The following ELFN1 variants were observed in gnomAD, a reference collection of about 807,000 sequenced individuals.
The protein encoded by ELFN1 is extracellular leucine rich repeat and fibronectin type III domain containing 1, also known as protein ELFN1.
Under a neutral mutation model 7.6 loss-of-function variants are expected in ELFN1, and 6 were observed. That is an observed-to-expected ratio of 0.79 (90% CI 0.43 to 1.56). The LOEUF (loss-of-function observed/expected upper bound fraction) is 1.56, where lower values mean the gene tolerates loss of function less well. Ranked by LOEUF, ELFN1 falls within the 40% of genes most tolerant of loss-of-function variation. The pLI, the probability that ELFN1 is intolerant of heterozygous loss-of-function variation, is 0.01. For synonymous variants in ELFN1, 657 were observed against 588.1 expected (o/e 1.12, Z -1.70); for missense variants, 1,169 against 1,232.2 (o/e 0.95, Z 0.77).
intron 1 of ELFN1, among the ~76,000 whole-genome samples, chr7:1,681,890 T>G (rs957666519): frequency 6.6e-6 from 1 of 152,226 alleles, no homozygotes; most frequent in Non-Finnish European, 1.5e-5. Context: ...GCATTCATAT[T>G]TCTTCTTTGA....
At chr7:1,677,118 G>A (rs1490616672) in intron 1 of ELFN1, among the ~76,000 whole-genome samples, 1 of 152,202 alleles carries the variant, frequency 6.6e-6, no homozygotes. Flanking sequence ...AAAATATTCT[G>A]TAAGGCAAAA....
At chr7:1,703,278 G>C (rs11762989) in intron 2 of ELFN1, among the ~76,000 whole-genome samples, 28,031 of 151,984 alleles carry the variant, frequency 0.18, 2,890 homozygotes, top group Admixed American at 0.25. Flanking sequence ...ACATAATGAA[G>C]ATAGTTATCA....
In ELFN1 at chr7:1,740,898, G is replaced by A. The variant is rs903075090; in HGVS notation, c.-293-3406G>A. 4.6e-5 allele frequency among the ~76,000 whole-genome samples: 7 copies of A among 152,182 alleles called. No homozygotes were observed. The highest frequency in any genetic ancestry group is 1.7e-4 in the African/African-American group (7 of 41,454). On this transcript the variant is annotated intron_variant, in intron 3 of 3. Transcript: ENST00000424383. This position sits in a 1 kb window ranked among gnomAD's most constrained non-coding sequence, Gnocchi z 5.0. Reference sequence around the variant, plus strand: ...TAATCCCAGCACTTTGGGAGGCCAAGGCAGGTGGATCACCTGAGGTCAGGA... The same window carrying A: ...TAATCCCAGCACTTTGGGAGGCCAAAGCAGGTGGATCACCTGAGGTCAGGA...
intron 3 of ELFN1, among the ~76,000 whole-genome samples, chr7:1,734,829 C>T (rs1008066101): frequency 6.6e-6 from 1 of 152,048 alleles, no homozygotes; most frequent in South Asian, 2.1e-4. Context: ...TCCCAAATAG[C>T]TGGGATCACA....
At chr7:1,704,553 C>G (rs760812427) in intron 2 of ELFN1, among the ~76,000 whole-genome samples, 2 of 152,294 alleles carry the variant, frequency 1.3e-5, no homozygotes, top group Middle Eastern at 6.8e-3. Flanking sequence ...TCGACTCCTC[C>G]CCACCCCAGG....
intron 3 of ELFN1, among the ~76,000 whole-genome samples, chr7:1,719,271 A>C (rs1413060337): frequency 7.0e-6 from 1 of 143,770 alleles, no homozygotes; most frequent in East Asian, 2.1e-4. Context: ...GACCCAAGCC[A>C]CCAACAGGGC....
At chr7:1,718,952 C>T (rs1442547528) in intron 3 of ELFN1, among the ~76,000 whole-genome samples, 3 of 152,164 alleles carry the variant, frequency 2.0e-5, no homozygotes, top group Non-Finnish European at 4.4e-5. Context: ...GGATGGGATG[C>T]ACAGGAGGCT....
chr7:1,732,849 A>G (rs1780352923), intron 3 of ELFN1, among the ~76,000 whole-genome samples: 1 of 152,182 alleles, frequency 6.6e-6, no homozygotes, highest in Non-Finnish European at 1.5e-5. Context: ...ACGGCGCTGA[A>G]CAAGCTTCGG....
At chr7:1,712,831 C>T (rs1276092325) in intron 3 of ELFN1, among the ~76,000 whole-genome samples, 1 of 152,230 alleles carries the variant, frequency 6.6e-6, no homozygotes. Flanking sequence ...CCTCTTTTAT[C>T]TCTTATCTTT....
intron 2 of ELFN1, among the ~76,000 whole-genome samples, chr7:1,701,228 C>G (rs1320446563): frequency 6.6e-6 from 1 of 152,026 alleles, no homozygotes; most frequent in Non-Finnish European, 1.5e-5. Flanking sequence ...ATCTGTTGGC[C>G]AGGCTGGAGT....
intron 3 of ELFN1, among the ~76,000 whole-genome samples, chr7:1,709,765 G>T (rs1419211188): frequency 6.6e-6 from 1 of 152,244 alleles, no homozygotes; most frequent in African/African-American, 2.4e-5. Flanking sequence ...GAATGCCTAG[G>T]TGAATAGGCA....
At chr7:1,700,766 G>A (rs548751912) in intron 2 of ELFN1, among the ~76,000 whole-genome samples, 5 of 152,326 alleles carry the variant, frequency 3.3e-5, no homozygotes, top group African/African-American at 7.2e-5. Flanking sequence ...CTTCCCCAGC[G>A]CCAGATCTGA....
intron 3 of ELFN1, among the ~76,000 whole-genome samples, chr7:1,731,216 T>G (rs1360149901): frequency 3.3e-5 from 5 of 152,172 alleles, no homozygotes. Context: ...TACCCGAAAG[T>G]CTTTCCAGAA....
intron 3 of ELFN1, among the ~76,000 whole-genome samples, chr7:1,737,557 G>A (rs575696970): frequency 2.6e-4 from 40 of 152,306 alleles, no homozygotes; most frequent in African/African-American, 3.1e-4. Flanking sequence ...GGTCAAATGT[G>A]CTTCAGACTC....
In ELFN1 at chr7:1,740,145, A is replaced by G. The variant is rs1780567654; in HGVS notation, c.-293-4159A>G. On this transcript the variant is annotated intron_variant, in intron 3 of 3. Transcript: ENST00000424383. The surrounding 1 kb of genome is among the most constrained non-coding windows in gnomAD (Gnocchi z 5.0). ...GAGGTATCAGACCTGAGGGGTGCCCATTCCAGAGGCGCCACGGCCTCTGTG... is the reference window on the plus strand; with the variant it reads ...GAGGTATCAGACCTGAGGGGTGCCCGTTCCAGAGGCGCCACGGCCTCTGTG... 6.6e-6 allele frequency among the ~76,000 whole-genome samples: 1 copy of G among 152,188 alleles called. No individual in the cohort carries two copies. The highest frequency in any genetic ancestry group is 1.9e-4 in the East Asian group (1 of 5,184).
chr7:1,685,702 C>T (rs896713429), intron 1 of ELFN1, among the ~76,000 whole-genome samples: 2 of 150,814 alleles, frequency 1.3e-5, no homozygotes, highest in Non-Finnish European at 1.5e-5. Flanking sequence ...TATTATTATC[C>T]TTTTCTTCAA....
chr7:1,746,574 C>G lies in ELFN1; in HGVS notation c.1978C>G (p.His660Asp). The change falls in exon 4 of 4, where the codon CAC becomes GAC. Residue 660 changes from histidine (H) to aspartate (D), a missense_variant. Physicochemically the swap from His to Asp is moderately conservative, Grantham distance 81 (BLOSUM62 -1). Transcript: ENST00000424383. Reference sequence around the variant, plus strand: ...CTTCCGAGCCGAGGCCGTCGGGGTGCACAAGGCCGCGGCCGCCGAGGCCAA... The same window carrying G: ...CTTCCGAGCCGAGGCCGTCGGGGTGGACAAGGCCGCGGCCGCCGAGGCCAA... ...RAFRAEAVGV[H>D]KAAAAEAKYI... The G allele has an allele frequency of 7.4e-7, 1 of 1,350,402 alleles. No individual in the cohort carries two copies. The highest frequency in any genetic ancestry group is 9.5e-7 in the Non-Finnish European group (1 of 1,056,100). 83.7% of individuals were successfully genotyped at this position (1,350,402 alleles called of 1,614,324 possible).
At position 1,746,485 on chromosome 7, in the gene ELFN1, TG is replaced by T; in HGVS notation, c.1891del (p.Glu631ArgfsTer53). ...CACAGCCTGCAGCGGCACCACAGCG[TG>T]GAGGCCGCCGGGCCCCCTCGTGCCA... ...FGHSLQRHHS[V>X]EAAGPPRAST... On this transcript the variant is annotated frameshift_variant, in exon 4 of 4. Coordinates refer to ENST00000424383, the MANE Select transcript of ELFN1 (RefSeq NM_001128636.4). LOFTEE classifies it low-confidence loss of function (END_TRUNC). 6.6e-7 allele frequency: 1 copy of T among 1,503,764 alleles called. No individual in the cohort carries two copies. 93.2% of individuals were successfully genotyped at this position (1,503,764 alleles called of 1,614,324 possible). A position where few individuals can be genotyped will look rare whatever the true frequency, so the allele number is the denominator to read the frequency against.
chr7:1,715,479 C>T (rs1003577676), intron 3 of ELFN1, among the ~76,000 whole-genome samples: 10 of 152,262 alleles, frequency 6.6e-5, no homozygotes, highest in Non-Finnish European at 8.8e-5. Flanking sequence ...GGAGTCGCCC[C>T]GTGGGCCACC....
Sources: allele counts gnomAD v4.1 joint callset (sites outside exome capture counted in the v4.1 genomes callset), GRCh38; gene constraint gnomAD v4.1.1; non-coding constraint Gnocchi (gnomAD v3.1); transcripts MANE v1.5; gene names NCBI Gene and HGNC (gene_info 2026-07-23, HGNC 2026-07-21).